TESK2: variants seen among roughly 807,000 people sequenced by gnomAD.
TESK2 encodes testis associated actin remodelling kinase 2.
Under a neutral mutation model 57.1 loss-of-function variants are expected in TESK2, and 39 were observed. The observed-to-expected ratio is 0.68, with a 90% CI of 0.53 to 0.89. The LOEUF is 0.89. Ranked by LOEUF, TESK2 falls within the 40% of genes least tolerant of loss-of-function variation. TESK2 has a pLI of 0.00. For synonymous variants in TESK2, 249 were observed against 267.9 expected, an observed-to-expected ratio of 0.93 and a Z score of 0.69; for missense variants, 646 against 732.1, an observed-to-expected ratio of 0.88 and a Z score of 1.36.
intron 3 of TESK2, among the ~76,000 whole-genome samples, chr1:45,400,003 C>G (rs892351319): frequency 3.3e-5 from 5 of 152,160 alleles, no homozygotes; most frequent in African/African-American, 1.2e-4. Flanking sequence ...AATGGCCCCC[C>G]AGAGATGTCT....
chr1:45,385,526 C>T (rs1356371161), intron 4 of TESK2, among the ~76,000 whole-genome samples: 2 of 152,148 alleles, frequency 1.3e-5, no homozygotes, highest in African/African-American at 4.8e-5. Flanking sequence ...CAGTCAAGTG[C>T]TGTCATCCCT....
chr1:45,472,558 CAAAAA>C (rs11294894), intron 1 of TESK2, among the ~76,000 whole-genome samples: 1 of 107,044 alleles, frequency 9.3e-6, no homozygotes. Flanking sequence ...AACTCCATCT[CAAAAA>C]AAAAAAAAAA....
Position 45,385,903 on chromosome 1 carries a change from A to G in TESK2, c.393+9T>C. 1 of 1,596,616 alleles carries G rather than the reference A, an allele frequency of 6.3e-7. No homozygotes were observed. The highest frequency in any genetic ancestry group is 8.6e-7 in the Non-Finnish European group (1 of 1,168,642). The stretch of plus-strand genomic sequence containing the variant: ...AAATACGTTACTTCAACACTTACTG[A>G]TGTCTTACCTCTGTAAGTGCATGCA... On this transcript the variant is annotated intron_variant, in intron 4 of 10. Transcript: ENST00000372086.
chr1:45,374,770 T>C (rs1648337006), intron 4 of TESK2, among the ~76,000 whole-genome samples: 1 of 152,206 alleles, frequency 6.6e-6, no homozygotes, highest in Non-Finnish European at 1.5e-5. Flanking sequence ...TATCTCAAAC[T>C]GAACCTATTC....
intron 5 of TESK2, among the ~76,000 whole-genome samples, chr1:45,350,404 C>G (rs1647214523): frequency 6.6e-6 from 1 of 152,212 alleles, no homozygotes; most frequent in Admixed American, 6.5e-5. Context: ...CATGTTCACT[C>G]TAAAGCTGTT....
chr1:45,482,281 C>T (rs1462176041), intron 1 of TESK2, among the ~76,000 whole-genome samples: 1 of 152,118 alleles, frequency 6.6e-6, no homozygotes, highest in Non-Finnish European at 1.5e-5. Flanking sequence ...GATCTCAGGA[C>T]TTTGGGAGGC....
At chr1:45,489,787 C>CA (rs11404898) in intron 1 of TESK2, among the ~76,000 whole-genome samples, 75 of 151,636 alleles carry the variant, frequency 4.9e-4, no homozygotes, top group East Asian at 3.9e-3. Context: ...GAGACTCCGT[C>CA]AAAAAAAACA....
Position 45,386,312 on chromosome 1 carries a change from T to C in TESK2, c.345-352A>G, listed in dbSNP as rs149216359. The stretch of plus-strand genomic sequence containing the variant: ...GTGAGCTGAGATCGCACCATTGCAC[T>C]CCAGCCTAGGGGACAAGAGCGAGAC... On this transcript the variant is annotated intron_variant, in intron 3 of 10. Transcript: ENST00000372086. Among the ~76,000 whole-genome samples, 155 of 120,104 alleles carry C rather than the reference T, an allele frequency of 1.3e-3. 1 individual carries two copies. In the East Asian group the frequency reaches 0.015, roughly 12 times the overall value. The allele number at this position is 120,104 out of a possible 152,430, so 78.8% of individuals were successfully genotyped here.
chr1:45,361,731 A>C (rs1054774266), intron 4 of TESK2, among the ~76,000 whole-genome samples: 1 of 152,242 alleles, frequency 6.6e-6, no homozygotes, highest in African/African-American at 2.4e-5. Flanking sequence ...AAATCACCAA[A>C]GGCACAGAGA....
intron 5 of TESK2, among the ~76,000 whole-genome samples, chr1:45,352,658 T>C (rs1647263184): frequency 6.6e-6 from 1 of 152,364 alleles, no homozygotes; most frequent in Admixed American, 6.5e-5. Flanking sequence ...CCAACAAAAC[T>C]GTACATACCT....
Position 45,358,983 on chromosome 1 carries a change from C to CCCT in TESK2, c.394-3537_394-3535dup, listed in dbSNP as rs1570647066. 2.6e-5 allele frequency among the ~76,000 whole-genome samples: 4 copies of CCCT among 152,290 alleles called. No homozygotes were observed. In the East Asian group the frequency reaches 7.7e-4, roughly 29 times the overall value. On this transcript the variant is annotated intron_variant, in intron 4 of 10. Coordinates refer to ENST00000372086, the MANE Select transcript of TESK2 (RefSeq NM_007170.3). The stretch of plus-strand genomic sequence containing the variant: ...TCAAACCTTATATGATGTATTATCT[C>CCCT]CCTCCTCCTCCCAAGGGAGAAAAAG...
At chr1:45,388,432 A>G (rs1340783131) in intron 3 of TESK2, among the ~76,000 whole-genome samples, 1 of 152,204 alleles carries the variant, frequency 6.6e-6, no homozygotes, top group Admixed American at 6.5e-5. Context: ...AGGCTTTCCA[A>G]ACTATGATGG....
At chr1:45,467,954 T>G (rs1395574256) in intron 1 of TESK2, among the ~76,000 whole-genome samples, 4 of 151,978 alleles carry the variant, frequency 2.6e-5, no homozygotes, top group Non-Finnish European at 5.9e-5. Flanking sequence ...GCAGGATGAC[T>G]GCTTGAGCCC....
chr1:45,382,872 A>C (rs544201974), intron 4 of TESK2, among the ~76,000 whole-genome samples: 118 of 150,344 alleles, frequency 7.8e-4, no homozygotes, highest in East Asian at 3.1e-3. Context: ...CCGTCCCCCC[A>C]AAAAAAAAAT....
chr1:45,407,393 T>C (rs1219121258), intron 3 of TESK2, among the ~76,000 whole-genome samples: 1 of 152,200 alleles, frequency 6.6e-6, no homozygotes, highest in Admixed American at 6.5e-5. Context: ...TTATAATCAC[T>C]ATGAGGCCAA....
intron 1 of TESK2, among the ~76,000 whole-genome samples, chr1:45,470,741 T>C (rs1420462842): frequency 3.3e-5 from 5 of 152,196 alleles, no homozygotes; most frequent in African/African-American, 9.7e-5. Flanking sequence ...AAATGTTAAT[T>C]GGGTAGCCAC....
intron 4 of TESK2, among the ~76,000 whole-genome samples, chr1:45,384,622 T>TTA (rs1648818371): frequency 1.4e-5 from 2 of 140,082 alleles, no homozygotes; most frequent in African/African-American, 5.5e-5. Context: ...TTTTTTTTTT[T>TTA]TTTTGTAGAG....
chr1:45,486,818 C>CACACACACACACACACACACACACAT lies in TESK2; in HGVS notation c.-87+4033_-87+4034insATGTGTGTGTGTGTGTGTGTGTGTGT, dbSNP rs796420228. On this transcript the variant is annotated intron_variant, in intron 1 of 10. Coordinates refer to ENST00000372086, the MANE Select transcript of TESK2 (RefSeq NM_007170.3). The stretch of plus-strand genomic sequence containing the variant: ...ACACACACACACACACACACACACA[C>CACACACACACACACACACACACACAT]ATATATACATTTTTTTTTTTTGAGA... 9.1e-4 allele frequency among the ~76,000 whole-genome samples: 128 copies of CACACACACACACACACACACACACAT among 140,240 alleles called. 4 individuals carry two copies. The highest frequency in any genetic ancestry group is 3.2e-3 in the African/African-American group (113 of 35,148). 92.0% of individuals were successfully genotyped at this position (140,240 alleles called of 152,430 possible). A position where few individuals can be genotyped will look rare whatever the true frequency, so the allele number is the denominator to read the frequency against.
At position 45,345,103 on chromosome 1, in the gene TESK2, G is replaced by A. The variant is rs754978881; in HGVS notation, c.1453C>T (p.Arg485Cys). 1.3e-5 allele frequency: 21 copies of A among 1,614,058 alleles called. 1 individual carries two copies. The highest frequency in any genetic ancestry group is 8.9e-5 in the East Asian group (4 of 44,894). Residue 485 changes from arginine to cysteine, a missense_variant, in exon 11 of 11, where the codon CGC (arginine) becomes TGC (cysteine). Coordinates refer to ENST00000372086, the MANE Select transcript of TESK2 (RefSeq NM_007170.3). The part of the protein sequence containing the change: ...EESLSDGPPP[R>C]LSSLKYRVKE... ...ACTCTGTACTTGAGACTACTTAGGC[G>A]TGGTGGGGGCCCATCAGATAGCGAT...
Sources: gnomAD v4.1 joint callset for allele counts (sites outside exome capture counted in the v4.1 genomes callset) on GRCh38, gnomAD v4.1.1 for gene constraint, MANE v1.5 for transcripts, NCBI Gene and HGNC (gene_info 2026-07-23, HGNC 2026-07-21) for gene names.